TMEM120B: variants seen among roughly 807,000 people sequenced by gnomAD.
The protein encoded by TMEM120B is transmembrane protein 120B.
A neutral mutation model predicts 55.5 loss-of-function variants in TMEM120B; 31 were observed. The ratio of observed to expected loss-of-function variants is 0.56; its 90% CI spans 0.42 to 0.75. The LOEUF (loss-of-function observed/expected upper bound fraction) is 0.75. TMEM120B is among the 30% of genes least tolerant of loss of function. The pLI, the probability that TMEM120B is intolerant of heterozygous loss-of-function variation, is 0.00. For missense variants in TMEM120B, 399 were observed against 425.5 expected, an observed-to-expected ratio of 0.94 and a Z score of 0.55; for synonymous variants, 203 against 176.3, an observed-to-expected ratio of 1.15 and a Z score of -1.20.
At chr12:121,743,480 C>G (rs1454330098) in intron 1 of TMEM120B, 149 bp from the exon 2 acceptor site, 3 of 534,680 alleles carry the variant, frequency 5.6e-6, no homozygotes, top group Non-Finnish European at 1.0e-5. Context: ...ATCGCTTGAA[C>G]CCAGGAGGCG....
rs748520029 is a variant in TMEM120B, at chr12:121,775,779, C to T, written c.*57C>T. On this transcript the variant is annotated 3_prime_UTR_variant, in exon 12 of 12. Transcript: ENST00000449592. This position sits in a 1 kb window ranked among gnomAD's most constrained non-coding sequence, Gnocchi z 4.3. ...TCAGACTGCAGGGGGCTCCCGGGCT[C>T]CTTCCCAGCAGCCCTCTCAGGCCCG... is the stretch of plus-strand genomic sequence containing the variant. 6 of 1,582,576 alleles carry T rather than the reference C, an allele frequency of 3.8e-6. No individual in the cohort carries two copies. Among genetic ancestry groups the T allele is most frequent in the South Asian group, 1.1e-5 (1 of 90,268 alleles).
intron 1 of TMEM120B, among the ~76,000 whole-genome samples, chr12:121,741,068 G>A (rs554765605): frequency 2.0e-5 from 3 of 152,152 alleles, no homozygotes; most frequent in African/African-American, 7.2e-5. Flanking sequence ...CACACACCAC[G>A]AAAGATTCTT....
chr12:121,771,149 G>T (rs1174464804), intron 7 of TMEM120B, among the ~76,000 whole-genome samples, 177 bp downstream of exon 7: 6 of 152,180 alleles, frequency 3.9e-5, no homozygotes, highest in South Asian at 2.1e-4. Context: ...GCCCGTGAGG[G>T]GTTCTCCAGG....
intron 5 of TMEM120B, among the ~76,000 whole-genome samples, chr12:121,757,010 C>T (rs957283637): frequency 3.3e-5 from 5 of 152,100 alleles, no homozygotes; most frequent in Admixed American, 2.0e-4. Context: ...TGTACGGTGT[C>T]CGTCATGACT....
intron 5 of TMEM120B, among the ~76,000 whole-genome samples, chr12:121,752,589 C>G (rs1331067005): frequency 1.3e-5 from 2 of 151,972 alleles, no homozygotes; most frequent in Non-Finnish European, 2.9e-5. Context: ...CCTGTCTCTA[C>G]TAAAAATGCA....
chr12:121,750,758 CCA>C (rs1873264460), intron 4 of TMEM120B, among the ~76,000 whole-genome samples: 1 of 140,818 alleles, frequency 7.1e-6, no homozygotes, highest in Non-Finnish European at 1.6e-5. Context: ...ACCCCACACT[CCA>C]CACTCACACT....
intron 5 of TMEM120B, among the ~76,000 whole-genome samples, chr12:121,760,539 T>G (rs1471536270): frequency 6.6e-6 from 1 of 152,168 alleles, no homozygotes; most frequent in African/African-American, 2.4e-5. Flanking sequence ...GAGGCATCCT[T>G]CCCTTTGCCA....
intron 6 of TMEM120B, among the ~76,000 whole-genome samples, chr12:121,769,444 G>A (rs533366235): frequency 1.1e-4 from 17 of 152,262 alleles, no homozygotes; most frequent in African/African-American, 4.1e-4. Context: ...AGTGGGTCAC[G>A]ACTATAATCC....
chr12:121,762,815 G>T (rs910890072), intron 6 of TMEM120B, among the ~76,000 whole-genome samples: 1 of 152,208 alleles, frequency 6.6e-6, no homozygotes, highest in Non-Finnish European at 1.5e-5. Context: ...CGGGCTAGGA[G>T]TGTGGACTCC....
chr12:121,725,015 T>C (rs1435118790), intron 1 of TMEM120B, among the ~76,000 whole-genome samples: 1 of 152,202 alleles, frequency 6.6e-6, no homozygotes, highest in Admixed American at 6.6e-5. Flanking sequence ...TCAAGTAGTG[T>C]ACTATGATTG....
intron 6 of TMEM120B, among the ~76,000 whole-genome samples, chr12:121,765,830 A>G (rs1873828864): frequency 6.6e-6 from 1 of 151,984 alleles, no homozygotes; most frequent in African/African-American, 2.4e-5. Flanking sequence ...GGCAAGGGAG[A>G]TGCCTTGGAG....
In TMEM120B at chr12:121,779,710, T is replaced by A; in HGVS notation, c.*3988T>A. The stretch of plus-strand genomic sequence containing the variant: ...ATTAGGTGAGGGGCCCCTGGAGGTC[T>A]CCTAGCACCACCTGGTGGGTTTGGG... On this transcript the variant is annotated 3_prime_UTR_variant, in exon 12 of 12. Coordinates refer to ENST00000449592, the MANE Select transcript of TMEM120B (RefSeq NM_001080825.2). 1 of 1,601,086 alleles carries A rather than the reference T, an allele frequency of 6.2e-7. No individual in the cohort carries two copies. Among genetic ancestry groups the A allele is most frequent in the Non-Finnish European group, 8.5e-7 (1 of 1,171,646 alleles).
chr12:121,742,007 CTT>C (rs1395595652), intron 1 of TMEM120B, among the ~76,000 whole-genome samples: 9 of 140,874 alleles, frequency 6.4e-5, no homozygotes, highest in African/African-American at 5.2e-5. Context: ...ACTTAACTTC[CTT>C]TTTTTTTTTT....
At chr12:121,723,280 A>G (rs1294249687) in intron 1 of TMEM120B, among the ~76,000 whole-genome samples, 2 of 151,822 alleles carry the variant, frequency 1.3e-5, no homozygotes, top group Non-Finnish European at 2.9e-5. Context: ...CTATCTTCCC[A>G]CCTCAGCCTC....
intron 1 of TMEM120B, among the ~76,000 whole-genome samples, chr12:121,728,497 A>T (rs1894939331): frequency 6.6e-6 from 1 of 151,778 alleles, no homozygotes; most frequent in Non-Finnish European, 1.5e-5. Context: ...TCAAAAAAAA[A>T]AAAAAAGAGA....
chr12:121,712,755 T>C lies in TMEM120B; in HGVS notation c.-141T>C, dbSNP rs1447031854. The C allele has an allele frequency of 3.3e-5, 15 of 454,206 alleles. No homozygotes were observed. Among genetic ancestry groups the C allele is most frequent in the Non-Finnish European group, 5.0e-5 (15 of 298,462 alleles). The allele number at this position is 454,206 out of a possible 1,614,324, so 28.1% of individuals were successfully genotyped here. A position where few individuals can be genotyped will look rare whatever the true frequency, so the allele number is the denominator to read the frequency against. On this transcript the variant is annotated 5_prime_UTR_variant, in exon 1 of 12. Transcript: ENST00000449592. ...GCCGGGGCGGGGCCGTGACGTCAGT[T>C]GCGCGCGTGGCTCTGGCTGCGCAGG...
intron 9 of TMEM120B, 63 bp downstream of exon 9, chr12:121,773,576 G>A: frequency 1.5e-6 from 2 of 1,321,008 alleles, no homozygotes; most frequent in Non-Finnish European, 2.1e-6. Flanking sequence ...CCCCACACCG[G>A]GAGTGCAGCC....
chr12:121,719,892 G>C (rs972978235), intron 1 of TMEM120B, among the ~76,000 whole-genome samples: 4 of 152,144 alleles, frequency 2.6e-5, no homozygotes, highest in African/African-American at 9.7e-5. Flanking sequence ...GTAGAGACAG[G>C]GTTTCACCAT....
rs1055005727 is a variant in TMEM120B at position 121,777,561 on chromosome 12, C to A, written c.*1839C>A. 3.9e-5 allele frequency: 6 copies of A among 152,232 alleles called. No homozygotes were observed. Among genetic ancestry groups the A allele is most frequent in the Admixed American group, 3.9e-4 (6 of 15,284 alleles). 9.4% of individuals were successfully genotyped at this position (152,232 alleles called of 1,614,324 possible). ...TCTCCAGTTGCCACAGGCCCTGCCA[C>A]CCCCCTGCCCTTCATTCTGGTCTCC... On this transcript the variant is annotated 3_prime_UTR_variant, in exon 12 of 12. Transcript: ENST00000449592.
Sources: allele counts gnomAD v4.1 joint callset (sites outside exome capture counted in the v4.1 genomes callset), GRCh38; gene constraint gnomAD v4.1.1; non-coding constraint Gnocchi (gnomAD v3.1); transcripts MANE v1.5; gene names NCBI Gene and HGNC (gene_info 2026-07-23, HGNC 2026-07-21).